SPATA22: variants seen among roughly 807,000 people sequenced by gnomAD.
The protein encoded by SPATA22 is spermatogenesis-associated protein 22.
Under a neutral mutation model 47.8 loss-of-function variants are expected in SPATA22, and 29 were observed. That is an observed-to-expected ratio of 0.61 (90% CI 0.45 to 0.83). The LOEUF (loss-of-function observed/expected upper bound fraction) is 0.83. Ranked by LOEUF, SPATA22 falls within the 40% of genes least tolerant of loss-of-function variation. The pLI is 0.00. For missense variants in SPATA22, 410 were observed against 421.7 expected (o/e 0.97, Z 0.24); for synonymous variants, 133 against 140.9 (o/e 0.94, Z 0.40).
chr17:3,451,908 C>G (rs527333428), intron 5 of SPATA22, among the ~76,000 whole-genome samples: 1 of 150,888 alleles, frequency 6.6e-6, no homozygotes, highest in African/African-American at 2.4e-5. Context: ...GATTGCACCA[C>G]TGCACTCCAG....
rs151253144 is a variant in SPATA22, at chr17:3,448,230, G to A, written c.672+577C>T. ...GACTAGGACAAGATCATAAAGCAAA[G>A]GTCATAATAAGTTGATCATAAAGAA... On this transcript the variant is annotated intron_variant, in intron 6 of 8. Coordinates refer to ENST00000572969, the MANE Select transcript of SPATA22 (RefSeq NM_001170698.2). 5.3e-3 allele frequency among the ~76,000 whole-genome samples: 810 copies of A among 152,280 alleles called. 6 individuals carry two copies. The highest frequency in any genetic ancestry group is 0.013 in the Admixed American group (192 of 15,278).
intron 3 of SPATA22, among the ~76,000 whole-genome samples, chr17:3,465,096 C>T (rs1382217452): frequency 8.7e-6 from 1 of 115,234 alleles, no homozygotes; most frequent in Non-Finnish European, 2.0e-5. Flanking sequence ...CCGGCAGCCA[C>T]CCCGTCTGGG....
At chr17:3,465,978 GGAAT>G (rs1296253073) in intron 3 of SPATA22, among the ~76,000 whole-genome samples, 1 of 151,452 alleles carries the variant, frequency 6.6e-6, no homozygotes, top group Non-Finnish European at 1.5e-5. Context: ...TTTAAATGAC[GGAAT>G]GTTTTTTAAA....
intron 1 of SPATA22, among the ~76,000 whole-genome samples, chr17:3,491,682 A>G (rs568038805): frequency 6.6e-6 from 1 of 152,120 alleles, no homozygotes; most frequent in East Asian, 1.9e-4. Flanking sequence ...AAGGAGGCAG[A>G]GATTGCAGTG....
chr17:3,471,660 G>A, intron 1 of SPATA22, 22 bp downstream of exon 1: 1 of 983,730 alleles, frequency 1.0e-6, no homozygotes, highest in Non-Finnish European at 1.2e-6. Flanking sequence ...CACGGAGTGG[G>A]GGCAGTTTGG....
At chr17:3,494,422 A>G (rs1359684721) in intron 1 of SPATA22, 1 of 1,612,530 alleles carries the variant, frequency 6.2e-7, no homozygotes, top group East Asian at 2.2e-5. Context: ...CGGGATGAAA[A>G]TGGAGAAATT....
At chr17:3,512,036 C>T (rs2074119711) in intron 1 of SPATA22, 1 of 152,242 alleles carries the variant, frequency 6.6e-6, no homozygotes, top group Non-Finnish European at 1.5e-5. Context: ...CCTTAAACTT[C>T]TTCCAATGAC....
intron 1 of SPATA22, among the ~76,000 whole-genome samples, chr17:3,496,683 C>A (rs1002827923): frequency 6.6e-6 from 1 of 152,094 alleles, no homozygotes; most frequent in Non-Finnish European, 1.5e-5. Context: ...CGTAGGGGAC[C>A]CCCTCCCAGT....
At chr17:3,463,159 G>A (rs947514598) in intron 3 of SPATA22, among the ~76,000 whole-genome samples, 1 of 152,140 alleles carries the variant, frequency 6.6e-6, no homozygotes, top group African/African-American at 2.4e-5. Context: ...AGATAGAGAG[G>A]AGAAAAAAGA....
chr17:3,470,394 A>G (rs951012023), intron 1 of SPATA22, among the ~76,000 whole-genome samples: 2 of 152,152 alleles, frequency 1.3e-5, no homozygotes, highest in Non-Finnish European at 2.9e-5. Context: ...CACATACACA[A>G]CTAAGCAATA....
rs1272704043 is a variant in SPATA22, at chr17:3,488,388, G to A, written c.-73-18990C>T. On this transcript the variant is annotated intron_variant, in intron 1 of 8. Transcript: ENST00000541913. The surrounding 1 kb of genome is among the most constrained non-coding windows in gnomAD (Gnocchi z 6.1). Reference sequence around the variant, plus strand: ...AAATTAAAACCAGGCCAAGCACGACGGCTCACGCCTGTAATCCCAGCATTT... The same window carrying A: ...AAATTAAAACCAGGCCAAGCACGACAGCTCACGCCTGTAATCCCAGCATTT... Among the ~76,000 whole-genome samples, 1 of 152,154 alleles carries A rather than the reference G, an allele frequency of 6.6e-6. No homozygotes were observed. The highest frequency in any genetic ancestry group is 1.5e-5 in the Non-Finnish European group (1 of 68,040).
chr17:3,463,026 T>C (rs2073164983), intron 3 of SPATA22, among the ~76,000 whole-genome samples: 1 of 152,232 alleles, frequency 6.6e-6, no homozygotes, highest in Non-Finnish European at 1.5e-5. Flanking sequence ...TAGTATAGTA[T>C]CTTTAACTTT....
rs749410881 is a variant in SPATA22 at position 3,440,143 on chromosome 17, C to T, written c.*4G>A. The T allele has an allele frequency of 4.6e-6, 7 of 1,520,268 alleles. No individual in the cohort carries two copies. Among genetic ancestry groups the T allele is most frequent in the Non-Finnish European group, 6.2e-6 (7 of 1,130,368 alleles). 94.2% of individuals were successfully genotyped at this position (1,520,268 alleles called of 1,614,324 possible). A position where few individuals can be genotyped will look rare whatever the true frequency, so the allele number is the denominator to read the frequency against. ...ATTTATGCTAAACTTCCTTTTATCA[C>T]TACTTAAGTTTCATTCATCACATTA... On this transcript the variant is annotated 3_prime_UTR_variant, in exon 9 of 9. Coordinates refer to ENST00000572969, the MANE Select transcript of SPATA22 (RefSeq NM_001170698.2).
intron 1 of SPATA22, chr17:3,499,143 A>G: frequency 6.4e-7 from 1 of 1,562,542 alleles, no homozygotes; most frequent in Non-Finnish European, 8.7e-7. Context: ...GCTAGTCTGT[A>G]AGCTCCTTAA....
chr17:3,448,780 G>T, intron 6 of SPATA22, 27 bp downstream of exon 6: 1 of 1,491,482 alleles, frequency 6.7e-7, no homozygotes, highest in Non-Finnish European at 9.1e-7. Flanking sequence ...ATGTAAATAA[G>T]TCATTAATTT....
chr17:3,502,524 T>G (rs949821415), intron 1 of SPATA22: 6 of 152,250 alleles, frequency 3.9e-5, no homozygotes, highest in Non-Finnish European at 8.8e-5. Flanking sequence ...CAGCATTCGT[T>G]GCGAAATCCA....
chr17:3,458,984 G>A (rs1028859653), intron 5 of SPATA22, among the ~76,000 whole-genome samples: 5 of 151,602 alleles, frequency 3.3e-5, no homozygotes, highest in African/African-American at 1.2e-4. Context: ...AGTAAATCCT[G>A]CCATTTTTGA....
intron 1 of SPATA22, among the ~76,000 whole-genome samples, chr17:3,487,980 A>G (rs978262177): frequency 6.6e-6 from 1 of 152,266 alleles, no homozygotes; most frequent in African/African-American, 2.4e-5. Context: ...ACTTAAATAT[A>G]TGTTCATACA....
At chr17:3,453,618 CAAACAT>C (rs1397420705) in intron 5 of SPATA22, among the ~76,000 whole-genome samples, 1 of 152,098 alleles carries the variant, frequency 6.6e-6, no homozygotes. Flanking sequence ...CACTTCTATT[CAAACAT>C]AGTTACAGGC....
Sources: gnomAD v4.1 joint callset for allele counts (sites outside exome capture counted in the v4.1 genomes callset) on GRCh38, gnomAD v4.1.1 for gene constraint, Gnocchi (gnomAD v3.1) non-coding constraint, MANE v1.5 for transcripts, NCBI Gene and HGNC (gene_info 2026-07-23, HGNC 2026-07-21) for gene names.